Variants in RBPJ observed in about 807,000 individuals in gnomAD.
RBPJ encodes the protein recombining binding protein suppressor of hairless.
A neutral mutation model predicts 67.8 loss-of-function variants in RBPJ; 9 were observed. The observed-to-expected ratio is 0.13, with a 90% CI of 0.08 to 0.23. RBPJ has a LOEUF of 0.23. Ranked by LOEUF, RBPJ falls within the 10% of genes least tolerant of loss-of-function variation. The pLI, the probability that RBPJ is intolerant of heterozygous loss-of-function variation, is 1.00. For synonymous variants in RBPJ, 198 were observed against 203.3 expected (o/e 0.97, Z 0.22); for missense variants, 305 against 595.6 (o/e 0.51, Z 5.08).
At chr4:26,342,256 C>A (rs1193377974) in intron 1 of RBPJ, among the ~76,000 whole-genome samples, 1 of 127,346 alleles carries the variant, frequency 7.9e-6, no homozygotes, top group Non-Finnish European at 1.7e-5. Flanking sequence ...TGCTGAACAC[C>A]TGGGTTATCA....
chr4:26,401,109 T>C (rs1398815358), intron 2 of RBPJ, among the ~76,000 whole-genome samples: 2 of 152,214 alleles, frequency 1.3e-5, no homozygotes, highest in African/African-American at 4.8e-5. Context: ...ATAATAGTAA[T>C]AGCTCGAGGC....
chr4:26,408,975 A>G (rs959210474), intron 3 of RBPJ, among the ~76,000 whole-genome samples: 1 of 152,226 alleles, frequency 6.6e-6, no homozygotes, highest in Non-Finnish European at 1.5e-5. Context: ...GGCTAGCCCA[A>G]TTGAATTATG....
intron 1 of RBPJ, among the ~76,000 whole-genome samples, chr4:26,260,820 C>G (rs754580650): frequency 6.6e-6 from 1 of 152,138 alleles, no homozygotes; most frequent in Non-Finnish European, 1.5e-5. Flanking sequence ...TTCCATGAAG[C>G]CTCCTTCCTC....
intron 1 of RBPJ, 121 bp from the exon 2 acceptor site, chr4:26,386,232 A>G (rs1375478601): frequency 3.0e-6 from 2 of 660,460 alleles, no homozygotes; most frequent in Admixed American, 3.0e-5. Flanking sequence ...TTCTGTCTTC[A>G]TGTTCTTCAG....
intron 1 of RBPJ, among the ~76,000 whole-genome samples, chr4:26,177,748 A>G (rs774365873): frequency 2.6e-5 from 4 of 152,248 alleles, no homozygotes; most frequent in Non-Finnish European, 5.9e-5. Flanking sequence ...AGTAATATAT[A>G]CTTATCTTAG....
intron 1 of RBPJ, among the ~76,000 whole-genome samples, chr4:26,351,645 T>G (rs898562413): frequency 7.9e-5 from 12 of 152,068 alleles, no homozygotes; most frequent in African/African-American, 2.9e-4. Flanking sequence ...CCTCCCAGAG[T>G]GTTGGGATTA....
At chr4:26,150,507 C>T in the RBPJ span, among the ~76,000 whole-genome samples, 1 of 152,234 alleles carries the variant, frequency 6.6e-6, no homozygotes, top group Non-Finnish European at 1.5e-5. Flanking sequence ...GCATAAAGCA[C>T]TTTGCAGACA....
intron 1 of RBPJ, among the ~76,000 whole-genome samples, chr4:26,270,725 GA>G (rs1241000822): frequency 6.6e-6 from 1 of 152,120 alleles, no homozygotes; most frequent in Non-Finnish European, 1.5e-5. Flanking sequence ...GAAGGGGAGG[GA>G]GAACTTTCCC....
Position 26,272,070 on chromosome 4 carries a change from A to AT in RBPJ, c.-166-90374dup, listed in dbSNP as rs560481565. On this transcript the variant is annotated intron_variant, in intron 1 of 4. Transcript: ENST00000512351. Reference sequence around the variant, plus strand: ...CCTTAACCAGGACTGGGTTGGGAATATTAGGTATAAGAATCAATAGGGAAA... The same window carrying AT: ...CCTTAACCAGGACTGGGTTGGGAATATTTAGGTATAAGAATCAATAGGGAAA... Among the ~76,000 whole-genome samples, 125 of 152,322 alleles carry AT rather than the reference A, an allele frequency of 8.2e-4. 1 individual carries two copies. The South Asian group carries it at 0.01, about 13-fold the overall frequency.
chr4:26,328,274 G>A (rs1723861707), intron 1 of RBPJ, among the ~76,000 whole-genome samples: 3 of 152,170 alleles, frequency 2.0e-5, no homozygotes, highest in Admixed American at 1.3e-4. Context: ...CCATGCTTTA[G>A]TGGCTCTCCT....
chr4:26,274,423 T>C (rs1215639855), intron 1 of RBPJ, among the ~76,000 whole-genome samples: 1 of 151,348 alleles, frequency 6.6e-6, no homozygotes, highest in Non-Finnish European at 1.5e-5. Context: ...ATCCCAGGAG[T>C]TCAAGACCAG....
In RBPJ at chr4:26,424,545, A is replaced by G. The variant is rs748188144; in HGVS notation, c.634+66A>G. 1.7e-5 allele frequency: 26 copies of G among 1,568,984 alleles called. No individual in the cohort carries two copies. Among genetic ancestry groups the G allele is most frequent in the Non-Finnish European group, 2.2e-5 (25 of 1,142,698 alleles). On this transcript the variant is annotated intron_variant, in intron 6 of 10. Coordinates refer to ENST00000355476, the MANE Select transcript of RBPJ (RefSeq NM_015874.6). This position sits in a 1 kb window ranked among gnomAD's most constrained non-coding sequence, Gnocchi z 5.3. ...TTGTTAAAATCTTTTGATGAGATACATGGATATATTAAGTTTTGTCATTTG... is the reference window on the plus strand; with the variant it reads ...TTGTTAAAATCTTTTGATGAGATACGTGGATATATTAAGTTTTGTCATTTG...
chr4:26,198,958 G>C (rs1401034889), intron 1 of RBPJ, among the ~76,000 whole-genome samples: 1 of 151,824 alleles, frequency 6.6e-6, no homozygotes, highest in African/African-American at 2.4e-5. Context: ...CCATTTTTAA[G>C]TGTACCGTTC....
intron 1 of RBPJ, among the ~76,000 whole-genome samples, chr4:26,176,180 C>G (rs1408638059): frequency 6.6e-6 from 1 of 152,206 alleles, no homozygotes; most frequent in African/African-American, 2.4e-5. Context: ...TTCAGTTTAA[C>G]TGGGTGTCTG....
chr4:26,384,934 T>C (rs1200912464), intron 1 of RBPJ, among the ~76,000 whole-genome samples: 11 of 4,136 alleles, frequency 2.7e-3, no homozygotes, highest in Non-Finnish European at 3.6e-3. Context: ...CCCCTCTCTC[T>C]TCCCCTCTCC....
At chr4:26,132,402 C>T in the RBPJ span, among the ~76,000 whole-genome samples, 5 of 152,066 alleles carry the variant, frequency 3.3e-5, no homozygotes, top group East Asian at 1.9e-4. Context: ...CAGCCACCCC[C>T]AGGTGTGCCC....
intron 1 of RBPJ, among the ~76,000 whole-genome samples, chr4:26,166,832 G>A (rs576826278): frequency 1.3e-5 from 2 of 152,228 alleles, no homozygotes; most frequent in East Asian, 1.9e-4. Flanking sequence ...TTTTCTTCTA[G>A]GGTTTTTATG....
chr4:26,180,648 A>G (rs1028650733), intron 1 of RBPJ, among the ~76,000 whole-genome samples: 15 of 152,218 alleles, frequency 9.9e-5, no homozygotes, highest in African/African-American at 3.1e-4. Context: ...CACCTCCCAA[A>G]GGCCTCATCT....
chr4:26,148,871 T>A, the RBPJ span, among the ~76,000 whole-genome samples: 11 of 152,316 alleles, frequency 7.2e-5, no homozygotes, highest in African/African-American at 2.6e-4. Flanking sequence ...GCTCTGAAAC[T>A]GAGCAATAAA....
Sources: allele counts gnomAD v4.1 joint callset (sites outside exome capture counted in the v4.1 genomes callset), GRCh38; gene constraint gnomAD v4.1.1; non-coding constraint Gnocchi (gnomAD v3.1); transcripts MANE v1.5; gene names NCBI Gene and HGNC (gene_info 2026-07-23, HGNC 2026-07-21).